Variants in TAMM41 observed in about 807,000 individuals in gnomAD.
TAMM41 encodes the protein phosphatidate cytidylyltransferase, mitochondrial.
Under a neutral mutation model 44.1 loss-of-function variants are expected in TAMM41, and 36 were observed. The observed-to-expected ratio is 0.82, with a 90% CI of 0.63 to 1.08. The LOEUF (loss-of-function observed/expected upper bound fraction) is 1.08, where lower values mean the gene tolerates loss of function less well. Among genes scored for constraint, TAMM41 ranks in the 50% least tolerant of loss-of-function variants. TAMM41 has a pLI of 0.00. For synonymous variants in TAMM41, 164 were observed against 153.1 expected (o/e 1.07, Z -0.53); for missense variants, 417 against 404.3 (o/e 1.03, Z -0.27).
chr3:11,835,487 CAG>C (rs924846380), intron 3 of TAMM41, among the ~76,000 whole-genome samples: 5 of 152,282 alleles, frequency 3.3e-5, no homozygotes, highest in East Asian at 3.9e-4. Context: ...CTGAGAAATG[CAG>C]AGTTTTGCAT....
At chr3:11,807,356 G>A (rs1357504780) in intron 7 of TAMM41, 9 of 1,479,308 alleles carry the variant, frequency 6.1e-6, no homozygotes, top group African/African-American at 5.6e-5. Flanking sequence ...CTCCCATAGA[G>A]AGAAGTCAAT....
chr3:11,818,208 G>C (rs1047803906), intron 4 of TAMM41, among the ~76,000 whole-genome samples: 2 of 152,164 alleles, frequency 1.3e-5, no homozygotes, highest in Non-Finnish European at 2.9e-5. Flanking sequence ...GTAGAGAGGT[G>C]GCAAGTGTAG....
intron 4 of TAMM41, among the ~76,000 whole-genome samples, chr3:11,819,174 C>T (rs2078410135): frequency 6.6e-6 from 1 of 152,146 alleles, no homozygotes; most frequent in Non-Finnish European, 1.5e-5. Context: ...AGCACTGAAG[C>T]AAGAAACCCC....
At chr3:11,725,220 C>A in the TAMM41 span, among the ~76,000 whole-genome samples, 1 of 140,540 alleles carries the variant, frequency 7.1e-6, no homozygotes, top group African/African-American at 2.6e-5. Context: ...TCCTTCTCCT[C>A]CCTCTCCTCC....
chr3:11,810,034 C>T (rs186577540), intron 5 of TAMM41: 12 of 190,030 alleles, frequency 6.3e-5, no homozygotes, highest in African/African-American at 1.4e-4. Flanking sequence ...GTGGAGGCCG[C>T]GTCAAATCCA....
chr3:11,766,259 G>A, the TAMM41 span, among the ~76,000 whole-genome samples: 2 of 152,194 alleles, frequency 1.3e-5, no homozygotes, highest in East Asian at 3.9e-4. Context: ...CAACCTCCCA[G>A]GCTCAGGTGA....
the TAMM41 span, among the ~76,000 whole-genome samples, chr3:11,745,698 T>C: frequency 1.3e-5 from 2 of 152,184 alleles, no homozygotes; most frequent in African/African-American, 4.8e-5. Context: ...GAAGTTATCA[T>C]TTAATGGGTA....
chr3:11,744,887 G>A, the TAMM41 span, among the ~76,000 whole-genome samples: 1 of 148,640 alleles, frequency 6.7e-6, no homozygotes, highest in African/African-American at 2.5e-5. Flanking sequence ...TTTTTGAGAT[G>A]GAGTCTTGCT....
chr3:11,751,999 T>C, the TAMM41 span, among the ~76,000 whole-genome samples: 1 of 152,128 alleles, frequency 6.6e-6, no homozygotes, highest in Non-Finnish European at 1.5e-5. Flanking sequence ...TGTGCAGGTA[T>C]TTACTGAGTA....
intron 5 of TAMM41, among the ~76,000 whole-genome samples, chr3:11,816,370 G>T (rs2078277895): frequency 6.6e-6 from 1 of 152,090 alleles, no homozygotes; most frequent in African/African-American, 2.4e-5. Flanking sequence ...GGAAAGAAGA[G>T]AATTTTGAAT....
At chr3:11,752,374 G>A in the TAMM41 span, among the ~76,000 whole-genome samples, 1 of 152,050 alleles carries the variant, frequency 6.6e-6, no homozygotes, top group Non-Finnish European at 1.5e-5. Context: ...CTGGTGGGGG[G>A]TGGCCAGCTT....
rs912586646 is a variant in TAMM41, at chr3:11,846,398, A to T, written c.135+104T>A. On this transcript the variant is annotated intron_variant, in intron 1 of 7. Transcript: ENST00000455809. ...GTTCACTCTGCTAGTGGACACGTGG[A>T]GTGTGCAGAGCGGACAGGCAGCTCT... 1.0e-5 allele frequency: 13 copies of T among 1,303,606 alleles called. No homozygotes were observed. In the Admixed American group the frequency reaches 2.0e-4, roughly 20 times the overall value. 80.8% of individuals were successfully genotyped at this position (1,303,606 alleles called of 1,614,324 possible).
rs1168998534 is a variant in TAMM41, at chr3:11,844,137, C to A, written c.210G>T (p.Trp70Cys). The A allele has an allele frequency of 1.2e-6, 2 of 1,614,136 alleles. No individual in the cohort carries two copies. Among genetic ancestry groups the A allele is most frequent in the South Asian group, 2.2e-5 (2 of 91,074 alleles). The change falls in exon 2 of 8, where the codon TGG becomes TGT. Residue 70 changes from tryptophan (W) to cysteine (C), a missense_variant. By Grantham distance (215) the Trp-to-Cys change is radical (BLOSUM62 -2). Transcript: ENST00000455809. ...AWHSKNLKKN[W>C]SHYSFLKVLG... ...AAACTTTTAGGAAAGAGTAGTGACT[C>A]CAATTTTTCTTCAGGTTCTTTGAAT...
intron 2 of TAMM41, among the ~76,000 whole-genome samples, chr3:11,840,121 T>C (rs572614579): frequency 3.9e-5 from 6 of 152,252 alleles, no homozygotes; most frequent in African/African-American, 4.8e-5. Context: ...CCTAGTCCCC[T>C]GTTCACCAAA....
chr3:11,845,720 G>A (rs942094808), intron 1 of TAMM41, among the ~76,000 whole-genome samples: 10 of 152,194 alleles, frequency 6.6e-5, no homozygotes, highest in Admixed American at 5.2e-4. Context: ...CAGGCAGGAT[G>A]TTAATCAGAA....
chr3:11,745,134 A>T, the TAMM41 span, among the ~76,000 whole-genome samples: 1 of 152,250 alleles, frequency 6.6e-6, no homozygotes, highest in Middle Eastern at 3.4e-3. Context: ...AAGTGCTGGG[A>T]TTACAGGCAT....
chr3:11,782,958 G>C, the TAMM41 span, among the ~76,000 whole-genome samples: 1 of 152,194 alleles, frequency 6.6e-6, no homozygotes, highest in African/African-American at 2.4e-5. Context: ...CTCGGAGCTT[G>C]AAGACTCACT....
At chr3:11,747,641 C>T in the TAMM41 span, among the ~76,000 whole-genome samples, 10 of 150,930 alleles carry the variant, frequency 6.6e-5, no homozygotes, top group Non-Finnish European at 1.3e-4. Flanking sequence ...TGGTGGTGTG[C>T]GCCTGTAGTC....
At chr3:11,802,073 G>A (rs1198753562) in intron 7 of TAMM41, among the ~76,000 whole-genome samples, 8 of 152,048 alleles carry the variant, frequency 5.3e-5, no homozygotes, top group Non-Finnish European at 1.2e-4. Flanking sequence ...ACAAAAGTTA[G>A]CCAGGCATGG....
Sources: gnomAD v4.1 joint callset for allele counts (sites outside exome capture counted in the v4.1 genomes callset) on GRCh38, gnomAD v4.1.1 for gene constraint, MANE v1.5 for transcripts, NCBI Gene and HGNC (gene_info 2026-07-23, HGNC 2026-07-21) for gene names.